ZFPM2: variants seen among roughly 807,000 people sequenced by gnomAD.
The protein encoded by ZFPM2 is zinc finger protein, FOG family member 2, also known as zinc finger protein ZFPM2.
Under a neutral mutation model 98.6 loss-of-function variants are expected in ZFPM2, and 20 were observed. That is an observed-to-expected ratio of 0.20 (90% CI 0.14 to 0.29). The LOEUF is 0.29. Among genes scored for constraint, ZFPM2 ranks in the 10% least tolerant of loss-of-function variants. ZFPM2 has a pLI of 1.00. For synonymous variants in ZFPM2, 518 were observed against 502.7 expected, an observed-to-expected ratio of 1.03 and a Z score of -0.41; for missense variants, 1,310 against 1,388.6, an observed-to-expected ratio of 0.94 and a Z score of 0.90.
intron 3 of ZFPM2, among the ~76,000 whole-genome samples, chr8:105,550,007 C>T (rs910440623): frequency 1.7e-4 from 26 of 152,192 alleles, no homozygotes; most frequent in Middle Eastern, 3.4e-3. Context: ...TACTAAAATA[C>T]AACATTGAAA....
Position 105,802,107 on chromosome 8 carries a change from C to T in ZFPM2, c.2025C>T (p.Val675=), listed in dbSNP as rs1814041631. The change falls in exon 8 of 8, where the codon GTC becomes GTT. Residue 675 remains valine, a synonymous_variant. Coordinates refer to ENST00000407775, the MANE Select transcript of ZFPM2 (RefSeq NM_012082.4). ...GKPVDVKNPS[V]PLVDGESDPN... ...CTGTTGATGTGAAAAATCCCAGTGTCCCCTTAGTGGATGGGGAAAGTGACC... is the reference window on the plus strand; with the variant it reads ...CTGTTGATGTGAAAAATCCCAGTGTTCCCTTAGTGGATGGGGAAAGTGACC... 6.2e-7 allele frequency: 1 copy of T among 1,613,868 alleles called. No homozygotes were observed. The highest frequency in any genetic ancestry group is 8.5e-7 in the Non-Finnish European group (1 of 1,179,878).
intron 1 of ZFPM2, among the ~76,000 whole-genome samples, chr8:105,321,290 T>TC (rs999648577): frequency 9.2e-5 from 14 of 152,206 alleles, no homozygotes; most frequent in African/African-American, 3.1e-4. Context: ...TGTAGGTCTC[T>TC]CCCCCCAGTT....
Position 105,803,442 on chromosome 8 carries a change from T to C in ZFPM2, c.3360T>C (p.Tyr1120=). 1.2e-6 allele frequency: 2 copies of C among 1,613,866 alleles called. No individual in the cohort carries two copies. Among genetic ancestry groups the C allele is most frequent in the Admixed American group, 1.7e-5 (1 of 60,004 alleles). Residue 1120 remains tyrosine, a synonymous_variant, in exon 8 of 8, where the codon TAT becomes TAC. Transcript: ENST00000407775. ...GCCAGGCTCCAACCAGTGGGAAATATTGCCGGCTATGTGATATCCAGTTCA... is the reference window on the plus strand; with the variant it reads ...GCCAGGCTCCAACCAGTGGGAAATACTGCCGGCTATGTGATATCCAGTTCA... ...GSSQAPTSGK[Y]CRLCDIQFNN...
intron 5 of ZFPM2, among the ~76,000 whole-genome samples, chr8:105,785,824 C>G (rs1422951881): frequency 2.0e-5 from 3 of 151,978 alleles, no homozygotes; most frequent in Admixed American, 2.0e-4. Flanking sequence ...GGGTGGATCA[C>G]GATGTCAGGA....
At chr8:105,333,519 A>G (rs1303653231) in intron 1 of ZFPM2, among the ~76,000 whole-genome samples, 1 of 151,790 alleles carries the variant, frequency 6.6e-6, no homozygotes. Context: ...GGGATTGCCA[A>G]TTGTTGCAAC....
At chr8:105,357,478 C>T (rs1032243463) in intron 1 of ZFPM2, among the ~76,000 whole-genome samples, 2 of 152,082 alleles carry the variant, frequency 1.3e-5, no homozygotes, top group Non-Finnish European at 2.9e-5. Context: ...AGATGGTAAG[C>T]GTTTACTTCA....
At chr8:105,547,542 C>CAAAAAAAAAAAAAA (rs148322534) in intron 3 of ZFPM2, among the ~76,000 whole-genome samples, 1 of 47,188 alleles carries the variant, frequency 2.1e-5, no homozygotes, top group African/African-American at 1.0e-4. Context: ...AACTCCATCT[C>CAAAAAAAAAAAAAA]AAAAAAAAAA....
intron 5 of ZFPM2, among the ~76,000 whole-genome samples, chr8:105,659,583 A>G (rs1817349786): frequency 1.3e-5 from 2 of 152,220 alleles, no homozygotes; most frequent in African/African-American, 2.4e-5. Flanking sequence ...TAGGTTTTAC[A>G]AAAGGTTTCT....
intron 5 of ZFPM2, among the ~76,000 whole-genome samples, chr8:105,739,446 T>A (rs1287434520): frequency 6.6e-6 from 1 of 152,018 alleles, no homozygotes; most frequent in African/African-American, 2.4e-5. Flanking sequence ...TTCCTAATGT[T>A]CAGTAATTTA....
At chr8:105,608,451 T>C (rs1249037306) in intron 4 of ZFPM2, among the ~76,000 whole-genome samples, 1 of 152,152 alleles carries the variant, frequency 6.6e-6, no homozygotes, top group Non-Finnish European at 1.5e-5. Flanking sequence ...CTGCATACTT[T>C]GTGTGAACAT....
At chr8:105,712,436 A>G (rs1249101742) in intron 5 of ZFPM2, among the ~76,000 whole-genome samples, 1 of 152,104 alleles carries the variant, frequency 6.6e-6, no homozygotes, top group Non-Finnish European at 1.5e-5. Context: ...TGAGGTAGAC[A>G]GTATTACCTC....
In ZFPM2 at chr8:105,331,330, A is replaced by G. The variant is rs777143100; in HGVS notation, c.40+12349A>G. Among the ~76,000 whole-genome samples the G allele has an allele frequency of 5.3e-5, 8 of 151,688 alleles. No homozygotes were observed. In the South Asian group the frequency reaches 6.2e-4, roughly 12 times the overall value. On this transcript the variant is annotated intron_variant, in intron 1 of 7. Transcript: ENST00000407775. Reference sequence around the variant, plus strand: ...TCAGAAATCTCATTTAAGGAAGAGTATGAGTTTGGGATGCAGTGGCTGGAC... The same window carrying G: ...TCAGAAATCTCATTTAAGGAAGAGTGTGAGTTTGGGATGCAGTGGCTGGAC...
chr8:105,754,364 G>C (rs149952494), intron 5 of ZFPM2, among the ~76,000 whole-genome samples: 1 of 152,218 alleles, frequency 6.6e-6, no homozygotes, highest in East Asian at 1.9e-4. Context: ...TATGTCCACT[G>C]TCTTGAAAAT....
At chr8:105,319,638 G>C (rs1811981261) in intron 1 of ZFPM2, 1 of 152,476 alleles carries the variant, frequency 6.6e-6, no homozygotes, top group Non-Finnish European at 1.5e-5. Context: ...CTTCGGGCGG[G>C]TCCGGCTCAC....
intron 1 of ZFPM2, among the ~76,000 whole-genome samples, chr8:105,407,409 T>C (rs1420250015): frequency 6.6e-6 from 1 of 151,918 alleles, no homozygotes; most frequent in East Asian, 1.9e-4. Flanking sequence ...AAGAAAAGCA[T>C]TAATTCATGT....
At chr8:105,492,993 A>G (rs1458710855) in intron 3 of ZFPM2, among the ~76,000 whole-genome samples, 1 of 152,208 alleles carries the variant, frequency 6.6e-6, no homozygotes, top group Non-Finnish European at 1.5e-5. Flanking sequence ...TCATTGACTC[A>G]GTTTTGTTAG....
chr8:105,506,930 G>T (rs1032600957), intron 3 of ZFPM2, among the ~76,000 whole-genome samples: 3 of 148,992 alleles, frequency 2.0e-5, no homozygotes, highest in Non-Finnish European at 4.4e-5. Context: ...GGAGCTTGCA[G>T]TGAGCCAAGA....
intron 4 of ZFPM2, chr8:105,616,611 C>A (rs1404348019): frequency 3.3e-6 from 1 of 300,554 alleles, no homozygotes; most frequent in Non-Finnish European, 6.5e-6. Context: ...AGGTATAAGT[C>A]TAAGTGATTT....
chr8:105,429,372 T>C (rs1363217118), intron 2 of ZFPM2, among the ~76,000 whole-genome samples: 1 of 151,368 alleles, frequency 6.6e-6, no homozygotes, highest in African/African-American at 2.5e-5. Flanking sequence ...ATTTTCTCAT[T>C]TCTTAAAGAT....
Sources: allele counts gnomAD v4.1 joint callset (sites outside exome capture counted in the v4.1 genomes callset), GRCh38; gene constraint gnomAD v4.1.1; transcripts MANE v1.5; gene names NCBI Gene and HGNC (gene_info 2026-07-23, HGNC 2026-07-21).